Variants in DYNLT2B observed in about 807,000 individuals in gnomAD.
DYNLT2B encodes the protein dynein light chain Tctex-type protein 2B.
A neutral mutation model predicts 19.5 loss-of-function variants in DYNLT2B; 14 were observed. That is an observed-to-expected ratio of 0.72 (90% CI 0.47 to 1.12). The LOEUF (loss-of-function observed/expected upper bound fraction) is 1.12. Ranked by LOEUF, DYNLT2B falls within the 50% of genes most tolerant of loss-of-function variation. The probability of loss-of-function intolerance (pLI) is 0.00; values close to 1 mark genes in which losing one functional copy is unlikely to be tolerated. For synonymous variants in DYNLT2B, 70 were observed against 59.7 expected (o/e 1.17, Z -0.79); for missense variants, 133 against 174.7 (o/e 0.76, Z 1.35).
At chr3:196,317,005 G>C (rs1167521143) in intron 1 of DYNLT2B, among the ~76,000 whole-genome samples, 2 of 134,552 alleles carry the variant, frequency 1.5e-5, no homozygotes, top group African/African-American at 5.7e-5. Flanking sequence ...TGGCCCGTGA[G>C]CCTGACATTT....
intron 3 of DYNLT2B, 130 bp from the exon 4 acceptor site, chr3:196,296,199 T>G: frequency 1.3e-6 from 1 of 759,272 alleles, no homozygotes; most frequent in Non-Finnish European, 2.3e-6. Flanking sequence ...CACAGGTAGG[T>G]ACCCACAGAG....
chr3:196,306,165 A>C (rs1726479298), intron 3 of DYNLT2B, among the ~76,000 whole-genome samples: 1 of 151,382 alleles, frequency 6.6e-6, no homozygotes, highest in South Asian at 2.1e-4. Context: ...TAAGTCCACC[A>C]CTTTAGGAGG....
At chr3:196,308,701 A>C (rs2108795376) in intron 2 of DYNLT2B, among the ~76,000 whole-genome samples, 1 of 152,360 alleles carries the variant, frequency 6.6e-6, no homozygotes, top group East Asian at 1.9e-4. Context: ...GACTACAGGC[A>C]ATCTCCCATG....
In DYNLT2B at chr3:196,291,290, C is replaced by A; in HGVS notation, c.*37G>T. On this transcript the variant is annotated 3_prime_UTR_variant, in exon 5 of 5. Transcript: ENST00000325318. Reference sequence around the variant, plus strand: ...CAATATTAAAAAGTTCAGATTTCTTCATGGTCATGTCTTTTACCAGCTTTT... The same window carrying A: ...CAATATTAAAAAGTTCAGATTTCTTAATGGTCATGTCTTTTACCAGCTTTT... The A allele has an allele frequency of 6.3e-7, 1 of 1,578,764 alleles. No homozygotes were observed. The highest frequency in any genetic ancestry group is 1.2e-5 in the South Asian group (1 of 85,704).
chr3:196,306,247 CAAAAAAA>C (rs112341100), intron 3 of DYNLT2B, among the ~76,000 whole-genome samples: 1 of 104,582 alleles, frequency 9.6e-6, no homozygotes, highest in Non-Finnish European at 2.0e-5. Context: ...CCCATCTCTG[CAAAAAAA>C]AAAAAAAAAA....
At chr3:196,301,990 T>C (rs1726365734) in intron 3 of DYNLT2B, among the ~76,000 whole-genome samples, 1 of 151,924 alleles carries the variant, frequency 6.6e-6, no homozygotes, top group South Asian at 2.1e-4. Context: ...GCCTGTAGTC[T>C]CTGCTACTTG....
intron 3 of DYNLT2B, among the ~76,000 whole-genome samples, chr3:196,301,204 C>T (rs1726344676): frequency 1.3e-5 from 2 of 152,170 alleles, no homozygotes; most frequent in African/African-American, 4.8e-5. Flanking sequence ...TGAAGCTAAG[C>T]GGCCAATACT....
At chr3:196,302,321 A>G (rs184677499) in intron 3 of DYNLT2B, among the ~76,000 whole-genome samples, 6 of 152,296 alleles carry the variant, frequency 3.9e-5, no homozygotes, top group Admixed American at 3.9e-4. Flanking sequence ...TCTCCAACAC[A>G]TTGAACAGGG....
At chr3:196,299,279 T>G (rs1438702997) in intron 3 of DYNLT2B, among the ~76,000 whole-genome samples, 1 of 151,870 alleles carries the variant, frequency 6.6e-6, no homozygotes, top group Non-Finnish European at 1.5e-5. Flanking sequence ...GAGACGGGGT[T>G]TCACCATGTT....
chr3:196,311,949 T>C (rs1199235660), intron 2 of DYNLT2B, among the ~76,000 whole-genome samples: 8 of 152,132 alleles, frequency 5.3e-5, no homozygotes, highest in Admixed American at 5.2e-4. Flanking sequence ...TTGAGTGCAA[T>C]GGTGCAATCT....
At chr3:196,307,100 A>T (rs1317179821) in intron 2 of DYNLT2B, 88 bp from the exon 3 acceptor site, 14 of 1,134,126 alleles carry the variant, frequency 1.2e-5, no homozygotes, top group African/African-American at 3.1e-5. Context: ...GGACATAAAC[A>T]TTCAATCCAC....
intron 2 of DYNLT2B, among the ~76,000 whole-genome samples, chr3:196,309,863 G>A (rs184457048): frequency 3.9e-4 from 59 of 151,236 alleles, no homozygotes; most frequent in African/African-American, 1.5e-4. Context: ...CAGGAGAATC[G>A]CTTGAACCTG....
At chr3:196,291,905 G>T (rs1311626784) in intron 4 of DYNLT2B, among the ~76,000 whole-genome samples, 2 of 152,180 alleles carry the variant, frequency 1.3e-5, no homozygotes, top group Non-Finnish European at 1.5e-5. Flanking sequence ...GATGGGTAAA[G>T]AATTAGATTT....
intron 3 of DYNLT2B, among the ~76,000 whole-genome samples, chr3:196,301,638 G>A (rs912605759): frequency 2.0e-5 from 3 of 151,962 alleles, no homozygotes; most frequent in East Asian, 1.9e-4. Flanking sequence ...GCTTGAACCT[G>A]GAAGGTGGAG....
chr3:196,307,291 T>C (rs1004736562), intron 2 of DYNLT2B, among the ~76,000 whole-genome samples: 3 of 152,128 alleles, frequency 2.0e-5, no homozygotes, highest in Non-Finnish European at 4.4e-5. Flanking sequence ...AGGTAAGATA[T>C]AGTAGTATCT....
intron 4 of DYNLT2B, among the ~76,000 whole-genome samples, chr3:196,293,112 C>G (rs1017677688): frequency 1.3e-5 from 2 of 152,100 alleles, no homozygotes; most frequent in Admixed American, 1.3e-4. Context: ...CCTCGGCCTC[C>G]CAGAGTGCTG....
chr3:196,308,105 T>C (rs983628907), intron 2 of DYNLT2B, among the ~76,000 whole-genome samples: 1 of 113,192 alleles, frequency 8.8e-6, no homozygotes, highest in Middle Eastern at 4.7e-3. Flanking sequence ...AAAAAGAAAA[T>C]AGAAAAATAA....
intron 3 of DYNLT2B, among the ~76,000 whole-genome samples, chr3:196,297,809 C>G (rs1160609812): frequency 1.3e-5 from 2 of 152,106 alleles, no homozygotes; most frequent in Admixed American, 6.6e-5. Flanking sequence ...AGTTCACAAC[C>G]CATACCCACA....
At chr3:196,309,517 G>A (rs1219279211) in intron 2 of DYNLT2B, among the ~76,000 whole-genome samples, 3 of 151,830 alleles carry the variant, frequency 2.0e-5, no homozygotes, top group East Asian at 1.9e-4. Context: ...CATCTGCCTC[G>A]GCCTCCCAAA....
Sources: gnomAD v4.1 joint callset for allele counts (sites outside exome capture counted in the v4.1 genomes callset) on GRCh38, gnomAD v4.1.1 for gene constraint, MANE v1.5 for transcripts, NCBI Gene and HGNC (gene_info 2026-07-23, HGNC 2026-07-21) for gene names.